Variants in PITPNM3 observed in about 807,000 individuals in gnomAD.
PITPNM3 encodes PITPNM family member 3.
PITPNM3 carries 26 observed loss-of-function variants against 102.0 expected under a neutral mutation model. The observed-to-expected ratio is 0.25, with a 90% confidence interval of 0.19 to 0.35. The LOEUF is 0.35. Ranked by LOEUF, PITPNM3 falls within the 10% of genes least tolerant of loss-of-function variation. The pLI is 1.00. For synonymous variants in PITPNM3, 578 were observed against 558.6 expected (o/e 1.03, Z -0.49); for missense variants, 1,083 against 1,346.1 (o/e 0.80, Z 3.06).
intron 17 of PITPNM3, 33 bp from the exon 18 acceptor site, chr17:6,461,589 G>T (rs777672164): frequency 1.2e-6 from 2 of 1,609,388 alleles, no homozygotes; most frequent in African/African-American, 2.7e-5. Context: ...GTCCAGCCCT[G>T]CCCAGTGCAG....
intron 4 of PITPNM3, among the ~76,000 whole-genome samples, chr17:6,499,962 C>T (rs1476265641): frequency 3.3e-5 from 5 of 152,192 alleles, no homozygotes; most frequent in African/African-American, 4.8e-5. Context: ...AACTCCTGAG[C>T]TCAGGCAATC....
chr17:6,506,621 C>G (rs1313328319), intron 3 of PITPNM3, among the ~76,000 whole-genome samples: 1 of 152,182 alleles, frequency 6.6e-6, no homozygotes, highest in African/African-American at 2.4e-5. Flanking sequence ...CTGCCCACCT[C>G]GGCCTCCCAA....
chr17:6,508,796 C>T (rs1156480198), intron 3 of PITPNM3, among the ~76,000 whole-genome samples: 2 of 152,100 alleles, frequency 1.3e-5, no homozygotes, highest in African/African-American at 4.8e-5. Context: ...GTAAGTGTGG[C>T]GCCCGGACAG....
intron 14 of PITPNM3, among the ~76,000 whole-genome samples, chr17:6,466,674 AAC>A (rs1904787178): frequency 1.3e-5 from 2 of 152,226 alleles, no homozygotes; most frequent in African/African-American, 4.8e-5. Flanking sequence ...CACTGTGGAA[AAC>A]AGTCTGGCAG....
At chr17:6,497,660 A>G (rs781180633) in intron 4 of PITPNM3, among the ~76,000 whole-genome samples, 7 of 152,218 alleles carry the variant, frequency 4.6e-5, no homozygotes, top group Non-Finnish European at 7.3e-5. Flanking sequence ...CACGTGGGAC[A>G]GCTGCCTGCG....
chr17:6,470,057 C>T lies in PITPNM3; in HGVS notation c.1773+203G>A, dbSNP rs139358724. ...TAGAGTGTACCATGCCGTCAGCCAC[C>T]CAGGAGCCAATGTCTTTATGAAGCC... is the stretch of plus-strand genomic sequence containing the variant. On this transcript the variant is annotated intron_variant, in intron 13 of 19. Coordinates refer to ENST00000262483, the MANE Select transcript of PITPNM3 (RefSeq NM_031220.4). This position sits in a 1 kb window ranked among gnomAD's most constrained non-coding sequence, Gnocchi z 4.8. Among the ~76,000 whole-genome samples, 1 of 152,340 alleles carries T rather than the reference C, an allele frequency of 6.6e-6. No homozygotes were observed. The highest frequency in any genetic ancestry group is 1.9e-4 in the East Asian group (1 of 5,186).
At chr17:6,525,666 A>T (rs1026681057) in intron 2 of PITPNM3, among the ~76,000 whole-genome samples, 4 of 152,188 alleles carry the variant, frequency 2.6e-5, no homozygotes, top group Admixed American at 2.6e-4. Context: ...GTTGTACCCT[A>T]CTGGGCCTCC....
intron 15 of PITPNM3, 137 bp downstream of exon 15, chr17:6,464,518 G>C: frequency 9.2e-7 from 1 of 1,087,080 alleles, no homozygotes; most frequent in South Asian, 1.4e-5. Context: ...GCCCAAGCAG[G>C]TGGGTAGCTC....
At position 6,537,235 on chromosome 17, in the gene PITPNM3, A is replaced by G. The variant is rs1909486486; in HGVS notation, c.118+752T>C. On this transcript the variant is annotated intron_variant, in intron 2 of 19. Coordinates refer to ENST00000262483, the MANE Select transcript of PITPNM3 (RefSeq NM_031220.4). This position sits in a 1 kb window ranked among gnomAD's most constrained non-coding sequence, Gnocchi z 4.4. Reference sequence around the variant, plus strand: ...CACTCTGGCACTCCCTGCATCTATGAGGCTCATTTATTTTTTCTTTCTTTT... The same window carrying G: ...CACTCTGGCACTCCCTGCATCTATGGGGCTCATTTATTTTTTCTTTCTTTT... Among the ~76,000 whole-genome samples the G allele has an allele frequency of 6.7e-6, 1 of 149,256 alleles. No individual in the cohort carries two copies. The highest frequency in any genetic ancestry group is 2.1e-4 in the South Asian group (1 of 4,678).
At chr17:6,507,658 C>T (rs1418842945) in intron 3 of PITPNM3, among the ~76,000 whole-genome samples, 1 of 152,134 alleles carries the variant, frequency 6.6e-6, no homozygotes, top group Non-Finnish European at 1.5e-5. Flanking sequence ...AACCCAATAC[C>T]TGCAGCCCTC....
chr17:6,492,499 C>T (rs1260637132), intron 4 of PITPNM3, among the ~76,000 whole-genome samples: 2 of 152,162 alleles, frequency 1.3e-5, no homozygotes, highest in Non-Finnish European at 2.9e-5. Context: ...ATAAGAAATG[C>T]TTGTGGAAGG....
Position 6,470,246 on chromosome 17 carries a change from T to G in PITPNM3, c.1773+14A>C, listed in dbSNP as rs1288363312. The G allele has an allele frequency of 1.3e-6, 2 of 1,594,912 alleles. No individual in the cohort carries two copies. The highest frequency in any genetic ancestry group is 4.5e-5 in the East Asian group (2 of 44,220). On this transcript the variant is annotated intron_variant, in intron 13 of 19. Transcript: ENST00000262483. The surrounding 1 kb of genome is among the most constrained non-coding windows in gnomAD (Gnocchi z 4.8). ...GGGTGGCTGTGGGCAGGCCCGCGAC[T>G]GCGGCAGCAGTACCTGTCTCAGGAT...
chr17:6,551,755 C>T (rs530807726), intron 1 of PITPNM3, among the ~76,000 whole-genome samples: 1 of 151,820 alleles, frequency 6.6e-6, no homozygotes, highest in East Asian at 1.9e-4. Context: ...TTTTAATCTG[C>T]GCTAGTCCCC....
In PITPNM3 at chr17:6,537,898, G is replaced by A. The variant is rs2150664839; in HGVS notation, c.118+89C>T. The A allele has an allele frequency of 9.4e-7, 1 of 1,064,354 alleles. No individual in the cohort carries two copies. The highest frequency in any genetic ancestry group is 1.4e-6 in the Non-Finnish European group (1 of 698,200). 65.9% of individuals were successfully genotyped at this position (1,064,354 alleles called of 1,614,324 possible). ...AGCTGCAGATACCACGTCTGAGTGG[G>A]GAGGGATGCGGACCCCCAAATGGGA... is the stretch of plus-strand genomic sequence containing the variant. On this transcript the variant is annotated intron_variant, in intron 2 of 19. Coordinates refer to ENST00000262483, the MANE Select transcript of PITPNM3 (RefSeq NM_031220.4). The surrounding 1 kb of genome is among the most constrained non-coding windows in gnomAD (Gnocchi z 4.4).
At chr17:6,541,387 G>A (rs575989565) in intron 1 of PITPNM3, among the ~76,000 whole-genome samples, 1 of 151,758 alleles carries the variant, frequency 6.6e-6, no homozygotes, top group African/African-American at 2.4e-5. Flanking sequence ...AGCCTTCCTG[G>A]ATGAAAGAAC....
At chr17:6,490,494 G>A (rs1286279385) in intron 4 of PITPNM3, among the ~76,000 whole-genome samples, 4 of 152,128 alleles carry the variant, frequency 2.6e-5, no homozygotes, top group Admixed American at 2.6e-4. Context: ...TCACAATGAT[G>A]GAGTCACTCT....
chr17:6,482,543 G>A (rs1447709498), intron 6 of PITPNM3, among the ~76,000 whole-genome samples: 1 of 152,126 alleles, frequency 6.6e-6, no homozygotes, highest in African/African-American at 2.4e-5. Flanking sequence ...ATTGAACCCA[G>A]TGACAGGGTT....
At position 6,451,892 on chromosome 17, in the gene PITPNM3, C is replaced by CCCCAA. The variant is rs55984944; in HGVS notation, c.*3445_*3446insTTGGG. On this transcript the variant is annotated 3_prime_UTR_variant, in exon 20 of 20. Transcript: ENST00000262483. ...ACCCAAACCCCCCCCCCCCGCCCGC[C>CCCCAA]GATGGGATTCGGTGGGAAAGTTGGT... 2 of 94,444 alleles carry CCCCAA rather than the reference C, an allele frequency of 2.1e-5. No individual in the cohort carries two copies. The highest frequency in any genetic ancestry group is 8.4e-5 in the African/African-American group (2 of 23,786). The allele number at this position is 94,444 out of a possible 1,614,324, so 5.9% of individuals were successfully genotyped here. A position where few individuals can be genotyped will look rare whatever the true frequency, so the allele number is the denominator to read the frequency against.
chr17:6,476,921 T>C, intron 9 of PITPNM3, 108 bp downstream of exon 9: 2 of 1,371,966 alleles, frequency 1.5e-6, no homozygotes, highest in Non-Finnish European at 2.0e-6. Flanking sequence ...AGCATTTCAG[T>C]GCTTATCTAT....
Sources: allele counts gnomAD v4.1 joint callset (sites outside exome capture counted in the v4.1 genomes callset), GRCh38; gene constraint gnomAD v4.1.1; non-coding constraint Gnocchi (gnomAD v3.1); transcripts MANE v1.5; gene names NCBI Gene and HGNC (gene_info 2026-07-23, HGNC 2026-07-21).